RPS6KC1: variants seen among roughly 807,000 people sequenced by gnomAD.
The protein encoded by RPS6KC1 is ribosomal protein S6 kinase C1.
In RPS6KC1, 54 loss-of-function variants were observed where a neutral mutation model predicts 103.8. That is an observed-to-expected ratio of 0.52 (90% CI 0.42 to 0.65). The LOEUF is 0.65. Among genes scored for constraint, RPS6KC1 ranks in the 30% least tolerant of loss-of-function variants. RPS6KC1 has a pLI of 0.00. For missense variants in RPS6KC1, 1,151 were observed against 1,253.8 expected, an observed-to-expected ratio of 0.92 and a Z score of 1.24; for synonymous variants, 439 against 438.7, an observed-to-expected ratio of 1.00 and a Z score of -0.01.
the RPS6KC1 span, among the ~76,000 whole-genome samples, chr1:213,564,464 T>C: frequency 6.6e-6 from 1 of 152,198 alleles, no homozygotes; most frequent in Non-Finnish European, 1.5e-5. Flanking sequence ...TTGTTCCTTC[T>C]GGTATTCTGT....
chr1:213,754,261 G>A, the RPS6KC1 span, among the ~76,000 whole-genome samples: 2 of 152,158 alleles, frequency 1.3e-5, no homozygotes, highest in African/African-American at 2.4e-5. Flanking sequence ...GTCCTCACAG[G>A]GCAGCAAGAG....
the RPS6KC1 span, among the ~76,000 whole-genome samples, chr1:213,363,591 GC>G: frequency 7.9e-6 from 1 of 126,674 alleles, no homozygotes; most frequent in African/African-American, 3.6e-5. Flanking sequence ...CTATTCTTTA[GC>G]CCTTGCTCGC....
the RPS6KC1 span, among the ~76,000 whole-genome samples, chr1:213,502,714 A>G: frequency 1.3e-5 from 2 of 152,216 alleles, no homozygotes; most frequent in East Asian, 1.9e-4. Flanking sequence ...ACAAAATAAC[A>G]TAAACCATGA....
intron 5 of RPS6KC1, among the ~76,000 whole-genome samples, chr1:213,124,577 A>T (rs1219421557): frequency 6.6e-6 from 1 of 152,212 alleles, no homozygotes; most frequent in Non-Finnish European, 1.5e-5. Flanking sequence ...CAAGCACTGT[A>T]TTAAGCAGAT....
At chr1:213,605,130 T>C in the RPS6KC1 span, among the ~76,000 whole-genome samples, 55 of 152,222 alleles carry the variant, frequency 3.6e-4, no homozygotes, top group Non-Finnish European at 5.9e-5. Context: ...TTGGTAGTTT[T>C]TTTAATTGCA....
chr1:213,853,070 G>A, the RPS6KC1 span, among the ~76,000 whole-genome samples: 2 of 152,094 alleles, frequency 1.3e-5, no homozygotes, highest in Admixed American at 6.5e-5. Context: ...AACACAAGGG[G>A]CCCAAGGCAA....
intron 6 of RPS6KC1, among the ~76,000 whole-genome samples, chr1:213,140,112 T>A (rs2086838054): frequency 6.6e-6 from 1 of 152,066 alleles, no homozygotes; most frequent in African/African-American, 2.4e-5. Context: ...CTGTTGTGAA[T>A]GGGACTGCAT....
the RPS6KC1 span, among the ~76,000 whole-genome samples, chr1:213,544,330 G>A: frequency 6.6e-6 from 1 of 152,270 alleles, no homozygotes; most frequent in East Asian, 1.9e-4. Flanking sequence ...GACTCCAGGA[G>A]ACATTTGGCT....
At chr1:213,797,818 C>A in the RPS6KC1 span, among the ~76,000 whole-genome samples, 1 of 152,174 alleles carries the variant, frequency 6.6e-6, no homozygotes, top group Non-Finnish European at 1.5e-5. Context: ...TTTTGTCATT[C>A]TGAGTCATTT....
the RPS6KC1 span, among the ~76,000 whole-genome samples, chr1:213,283,089 GTGTC>G: frequency 6.6e-6 from 1 of 152,172 alleles, no homozygotes; most frequent in Non-Finnish European, 1.5e-5. Context: ...GGCAGGAACT[GTGTC>G]TAACTTTCGG....
At chr1:213,562,565 A>AT in the RPS6KC1 span, among the ~76,000 whole-genome samples, 4 of 151,388 alleles carry the variant, frequency 2.6e-5, no homozygotes, top group African/African-American at 7.3e-5. Flanking sequence ...AACTTTTTGT[A>AT]TTTTTTAGTT....
the RPS6KC1 span, among the ~76,000 whole-genome samples, chr1:213,731,989 C>T: frequency 1.3e-5 from 2 of 151,932 alleles, no homozygotes; most frequent in South Asian, 4.2e-4. Context: ...ACACATGTGC[C>T]TAAGAAAGTT....
the RPS6KC1 span, among the ~76,000 whole-genome samples, chr1:213,558,087 G>A: frequency 2.0e-5 from 3 of 152,208 alleles, no homozygotes; most frequent in African/African-American, 7.2e-5. Flanking sequence ...CACACATGTT[G>A]GTGAGCTTCC....
the RPS6KC1 span, among the ~76,000 whole-genome samples, chr1:213,810,744 T>A: frequency 4.6e-5 from 7 of 152,258 alleles, no homozygotes; most frequent in African/African-American, 1.7e-4. Flanking sequence ...GGGCCTGAAC[T>A]CATTTATTTT....
At chr1:213,055,368 G>C (rs1165397889) in intron 1 of RPS6KC1, among the ~76,000 whole-genome samples, 1 of 151,632 alleles carries the variant, frequency 6.6e-6, no homozygotes, top group Non-Finnish European at 1.5e-5. Context: ...ATGATTATTT[G>C]AGATTTATCC....
At chr1:213,249,936 G>A (rs1229171289) in intron 12 of RPS6KC1, among the ~76,000 whole-genome samples, 1 of 152,188 alleles carries the variant, frequency 6.6e-6, no homozygotes, top group African/African-American at 2.4e-5. Context: ...TTGCAGGAAA[G>A]CTCAGAACAT....
chr1:213,859,132 C>T, the RPS6KC1 span, among the ~76,000 whole-genome samples: 1 of 152,164 alleles, frequency 6.6e-6, no homozygotes, highest in Admixed American at 6.6e-5. Context: ...TTCAGATCCA[C>T]AGGCAATCAG....
the RPS6KC1 span, among the ~76,000 whole-genome samples, chr1:213,780,553 C>A: frequency 6.6e-6 from 1 of 152,212 alleles, no homozygotes; most frequent in Non-Finnish European, 1.5e-5. Flanking sequence ...ACAATCTGGG[C>A]CAAGAAGAAT....
At chr1:213,140,985 C>G (rs1181731876) in intron 6 of RPS6KC1, among the ~76,000 whole-genome samples, 1 of 151,804 alleles carries the variant, frequency 6.6e-6, no homozygotes, top group Non-Finnish European at 1.5e-5. Context: ...CAACCTCCCC[C>G]TCCCGGGTTC....
Sources: allele counts gnomAD v4.1 joint callset (sites outside exome capture counted in the v4.1 genomes callset), GRCh38; gene constraint gnomAD v4.1.1; transcripts MANE v1.5; gene names NCBI Gene and HGNC (gene_info 2026-07-23, HGNC 2026-07-21).